Variants in MYO5A observed in about 807,000 individuals in gnomAD.
MYO5A encodes the protein myosin VA, also known as unconventional myosin-Va.
In MYO5A, 98 loss-of-function variants were observed where a neutral mutation model predicts 249.7. The observed-to-expected ratio is 0.39, with a 90% CI of 0.33 to 0.46. The LOEUF is 0.46. Ranked by LOEUF, MYO5A falls within the 20% of genes least tolerant of loss-of-function variation. The pLI is 0.98. For missense variants in MYO5A, 1,696 were observed against 2,308.8 expected, an observed-to-expected ratio of 0.73 and a Z score of 5.44; for synonymous variants, 778 against 810.6, an observed-to-expected ratio of 0.96 and a Z score of 0.68.
chr15:52,348,621 C>T (rs1469319117), intron 29 of MYO5A, among the ~76,000 whole-genome samples, 197 bp downstream of exon 29: 1 of 152,178 alleles, frequency 6.6e-6, no homozygotes, highest in African/African-American at 2.4e-5. Context: ...ATAATCTAGA[C>T]TGGAGCCTAC....
Position 52,428,397 on chromosome 15 carries a change from C to CCACACACGTATCCTG in MYO5A, c.310_310+1insCAGGATACGTGTGTG (p.Cys103_Gly104insAlaGlyTyrValCys). ...CTATTCGGAAAGCAAAGCATACTTA[C>CCACACACGTATCCTG]CACAATACGTATAAATAAGTTTGGA... On this transcript the variant is annotated inframe_insertion and splice_region_variant. Transcript: ENST00000399233. 6.2e-7 allele frequency: 1 copy of CCACACACGTATCCTG among 1,613,314 alleles called. No homozygotes were observed. The highest frequency in any genetic ancestry group is 8.5e-7 in the Non-Finnish European group (1 of 1,179,310).
chr15:52,456,904 A>G (rs1398509555), intron 1 of MYO5A, among the ~76,000 whole-genome samples: 1 of 152,216 alleles, frequency 6.6e-6, no homozygotes, highest in Non-Finnish European at 1.5e-5. Context: ...CAGTCTAGAT[A>G]AAGATTTTAT....
At chr15:52,318,815 A>C (rs1435560653) in intron 39 of MYO5A, among the ~76,000 whole-genome samples, 1 of 152,330 alleles carries the variant, frequency 6.6e-6, no homozygotes, top group East Asian at 1.9e-4. Context: ...CACAGTGGAA[A>C]AGGGTTTCCT....
At chr15:52,318,559 A>G (rs751182701) in intron 39 of MYO5A, among the ~76,000 whole-genome samples, 1 of 152,092 alleles carries the variant, frequency 6.6e-6, no homozygotes, top group Non-Finnish European at 1.5e-5. Context: ...TTTTCTTAAA[A>G]TATAGAGGGG....
At chr15:52,393,917 G>A (rs750080391) in intron 11 of MYO5A, among the ~76,000 whole-genome samples, 17 of 152,158 alleles carry the variant, frequency 1.1e-4, no homozygotes, top group Non-Finnish European at 2.4e-4. Context: ...TAATTTATAT[G>A]TAGTCTCAAT....
At position 52,469,476 on chromosome 15, in the gene MYO5A, G is replaced by C. The variant is rs2076415097; in HGVS notation, c.28-36191C>G. Among the ~76,000 whole-genome samples, 4 of 152,290 alleles carry C rather than the reference G, an allele frequency of 2.6e-5. No individual in the cohort carries two copies. The South Asian group carries it at 8.3e-4, about 32-fold the overall frequency. On this transcript the variant is annotated intron_variant, in intron 1 of 41. Transcript: ENST00000399233. ...CACCTTGTCATCTTCATACTGAGTA[G>C]GCTGAGGAGGAGGAGGAAGAGGAGG...
At chr15:52,479,869 G>C (rs1471404334) in intron 1 of MYO5A, among the ~76,000 whole-genome samples, 3 of 152,168 alleles carry the variant, frequency 2.0e-5, no homozygotes, top group Non-Finnish European at 2.9e-5. Context: ...AAAAGAGCTG[G>C]ACAGTGAGTC....
chr15:52,356,808 TTTTTTTTTTTA>T lies in MYO5A; in HGVS notation c.3424-2805_3424-2795del, dbSNP rs1390076465. Among the ~76,000 whole-genome samples, 7 of 125,930 alleles carry T rather than the reference TTTTTTTTTTTA, an allele frequency of 5.6e-5. No individual in the cohort carries two copies. The South Asian group carries it at 9.6e-4, about 17-fold the overall frequency. The allele number at this position is 125,930 out of a possible 152,430, so 82.6% of individuals were successfully genotyped here. ...AATTTGCATTTCTTTGACTTTTTTTTTTTTTTTTTTATTTTCAGGAATTGTATATTAATTAG... is the reference window on the plus strand; with the variant it reads ...AATTTGCATTTCTTTGACTTTTTTTTTTTTCAGGAATTGTATATTAATTAG... On this transcript the variant is annotated intron_variant, in intron 25 of 41. Coordinates refer to ENST00000399233, the MANE Select transcript of MYO5A (RefSeq NM_001382347.1).
chr15:52,454,566 G>A (rs1022469864), intron 1 of MYO5A, among the ~76,000 whole-genome samples: 3 of 152,016 alleles, frequency 2.0e-5, no homozygotes, highest in Non-Finnish European at 2.9e-5. Context: ...CTTTTCATCA[G>A]CACATGAAAT....
chr15:52,334,429 C>G (rs1238663193), intron 34 of MYO5A, among the ~76,000 whole-genome samples: 3 of 152,064 alleles, frequency 2.0e-5, no homozygotes, highest in Non-Finnish European at 4.4e-5. Context: ...TTTTTAAGTT[C>G]TGCTAATAGA....
At chr15:52,361,206 A>C (rs777037311) in intron 24 of MYO5A, among the ~76,000 whole-genome samples, 4 of 152,172 alleles carry the variant, frequency 2.6e-5, no homozygotes, top group Non-Finnish European at 4.4e-5. Flanking sequence ...ATGAAGTCAA[A>C]GGCACTCAAA....
intron 1 of MYO5A, among the ~76,000 whole-genome samples, chr15:52,483,130 T>C (rs2076748487): frequency 6.6e-6 from 1 of 152,148 alleles, no homozygotes; most frequent in African/African-American, 2.4e-5. Context: ...GAACTGTCAA[T>C]GTGTCTACAC....
rs61749592 is a variant in MYO5A at position 52,505,269 on chromosome 15, G to T, written c.27+23511C>A. ...TGACAGACAAGAGCTACATCAAGGG[G>T]TATGTGCCATCACAAGCAGATGTGG... On this transcript the variant is annotated intron_variant, in intron 1 of 41. Transcript: ENST00000399233. 2,919 of 776,140 alleles carry T rather than the reference G, an allele frequency of 3.8e-3. 20 individuals carry two copies. The highest frequency in any genetic ancestry group is 0.011 in the Middle Eastern group (46 of 4,152). 48.1% of individuals were successfully genotyped at this position (776,140 alleles called of 1,614,324 possible).
At position 52,510,831 on chromosome 15, in the gene MYO5A, A is replaced by G. The variant is rs2077375637; in HGVS notation, c.27+17949T>C. ...CCGCTGACCTAAGTCTAATGTATAG[A>G]ATGGCACAGATTACAAATGAGTCTT... On this transcript the variant is annotated intron_variant, in intron 1 of 41. Coordinates refer to ENST00000399233, the MANE Select transcript of MYO5A (RefSeq NM_001382347.1). Among the ~76,000 whole-genome samples the G allele has an allele frequency of 1.3e-5, 2 of 152,222 alleles. 1 individual carries two copies. Among genetic ancestry groups the G allele is most frequent in the South Asian group, 4.1e-4 (2 of 4,832 alleles).
chr15:52,368,225 A>G (rs1182757881), intron 22 of MYO5A, among the ~76,000 whole-genome samples: 1 of 152,194 alleles, frequency 6.6e-6, no homozygotes, highest in Non-Finnish European at 1.5e-5. Flanking sequence ...CACACAGCAG[A>G]CATCAGTCCA....
intron 30 of MYO5A, among the ~76,000 whole-genome samples, chr15:52,344,608 C>T (rs984453606): frequency 6.6e-6 from 1 of 152,216 alleles, no homozygotes; most frequent in Admixed American, 6.5e-5. Flanking sequence ...TACAGGAATA[C>T]TCTCTGGCCT....
At chr15:52,475,906 A>G (rs537832923) in intron 1 of MYO5A, among the ~76,000 whole-genome samples, 397 of 152,298 alleles carry the variant, frequency 2.6e-3, no homozygotes, top group Non-Finnish European at 4.6e-3. Context: ...TATTAGGTAC[A>G]CTTGGTGCAG....
rs1021418886 is a variant in MYO5A, at chr15:52,307,636, T to C, written c.*6060A>G. The C allele has an allele frequency of 2.0e-5, 3 of 152,152 alleles. No individual in the cohort carries two copies. The highest frequency in any genetic ancestry group is 7.2e-5 in the African/African-American group (3 of 41,448). 9.4% of individuals were successfully genotyped at this position (152,152 alleles called of 1,614,324 possible). On this transcript the variant is annotated 3_prime_UTR_variant, in exon 42 of 42. Transcript: ENST00000399233. Reference sequence around the variant, plus strand: ...TCACCTAAGAACTTTCAAAAAATTGTATCAAAATTTTCTATGCAGATCAAA... The same window carrying C: ...TCACCTAAGAACTTTCAAAAAATTGCATCAAAATTTTCTATGCAGATCAAA...
At position 52,367,011 on chromosome 15, in the gene MYO5A, A is replaced by G; in HGVS notation, c.3160+20T>C. 1.3e-6 allele frequency: 2 copies of G among 1,598,336 alleles called. No individual in the cohort carries two copies. Among genetic ancestry groups the G allele is most frequent in the Non-Finnish European group, 1.7e-6 (2 of 1,165,708 alleles). On this transcript the variant is annotated intron_variant, in intron 23 of 41. Transcript: ENST00000399233. ...TTTGGTGTGAGGTTGGTTGGCGTGT[A>G]GTACGCATATAAGCTTTACCTGTCA...
Sources: gnomAD v4.1 joint callset for allele counts (sites outside exome capture counted in the v4.1 genomes callset) on GRCh38, gnomAD v4.1.1 for gene constraint, MANE v1.5 for transcripts, NCBI Gene and HGNC (gene_info 2026-07-23, HGNC 2026-07-21) for gene names.